Variants in YBX3 observed in about 807,000 individuals in gnomAD.
YBX3 encodes the protein Y-box binding protein 3.
YBX3 carries 29 observed loss-of-function variants against 42.4 expected under a neutral mutation model. The observed-to-expected ratio is 0.68, with a 90% confidence interval of 0.51 to 0.93. The LOEUF is 0.93. YBX3 is among the 40% of genes least tolerant of loss of function. The pLI is 0.00. For synonymous variants in YBX3, 195 were observed against 189.8 expected, an observed-to-expected ratio of 1.03 and a Z score of -0.22; for missense variants, 517 against 527.5, an observed-to-expected ratio of 0.98 and a Z score of 0.19.
At chr12:10,714,801 C>T (rs7302837) in intron 4 of YBX3, among the ~76,000 whole-genome samples, 38,047 of 151,654 alleles carry the variant, frequency 0.25, 5,994 homozygotes, top group Middle Eastern at 0.36. Flanking sequence ...GCTCTGTCCC[C>T]CAGGCTGGAG....
At chr12:10,720,822 C>T (rs982153376) in intron 1 of YBX3, 5 of 152,150 alleles carry the variant, frequency 3.3e-5, no homozygotes, top group African/African-American at 1.2e-4. Flanking sequence ...TTTTTACTCT[C>T]CAATGTAGTT....
At chr12:10,713,902 A>C (rs981509687) in intron 4 of YBX3, among the ~76,000 whole-genome samples, 8 of 152,254 alleles carry the variant, frequency 5.3e-5, no homozygotes, top group African/African-American at 1.9e-4. Flanking sequence ...TCCTTGAAAC[A>C]GATTTAGAAT....
At chr12:10,700,770 A>G (rs1014585176) in intron 9 of YBX3, among the ~76,000 whole-genome samples, 3 of 152,218 alleles carry the variant, frequency 2.0e-5, no homozygotes, top group Non-Finnish European at 2.9e-5. Flanking sequence ...GGTACAGTAG[A>G]GCCTGCAATG....
Position 10,704,104 on chromosome 12 carries a change from T to C in YBX3, c.825A>G (p.Ala275=). Reference sequence around the variant, plus strand: ...TTCGATGAACCGGTCCCTGAAGTTGTGCTCCCTCTGGGACTCCATCCTTCA... The same window carrying C: ...TTCGATGAACCGGTCCCTGAAGTTGCGCTCCCTCTGGGACTCCATCCTTCA... ...GEMKDGVPEG[A]QLQGPVHRNP... The change falls in exon 7 of 10, where the codon GCA becomes GCG. Residue 275 remains alanine, a synonymous_variant. Coordinates refer to ENST00000228251, the MANE Select transcript of YBX3 (RefSeq NM_003651.5). 2 of 1,614,214 alleles carry C rather than the reference T, an allele frequency of 1.2e-6. No homozygotes were observed. The highest frequency in any genetic ancestry group is 1.7e-6 in the Non-Finnish European group (2 of 1,180,036).
intron 1 of YBX3, chr12:10,722,257 TG>T (rs1313933960): frequency 6.6e-6 from 1 of 152,272 alleles, no homozygotes; most frequent in Non-Finnish European, 1.5e-5. Flanking sequence ...TGCTGGCATG[TG>T]GCCAACAGGA....
chr12:10,702,604 CG>C (rs1555158876), intron 7 of YBX3: 1 of 151,414 alleles, frequency 6.6e-6, no homozygotes, highest in Non-Finnish European at 1.5e-5. Flanking sequence ...AGAGGTTTCA[CG>C]AAAAAAAAAT....
chr12:10,721,383 C>T (rs1948322999), intron 1 of YBX3, among the ~76,000 whole-genome samples: 1 of 152,268 alleles, frequency 6.6e-6, no homozygotes, highest in Admixed American at 6.5e-5. Flanking sequence ...AGTGAAAAAC[C>T]GCAAAAGCTT....
rs765605343 is a variant in YBX3 at position 10,709,938 on chromosome 12, T to C, written c.750A>G (p.Ser250=). 1.2e-6 allele frequency: 2 copies of C among 1,614,170 alleles called. No homozygotes were observed. Among genetic ancestry groups the C allele is most frequent in the Non-Finnish European group, 1.7e-6 (2 of 1,180,036 alleles). The change falls in exon 6 of 10, where the codon TCA becomes TCG. Residue 250 remains serine (S), a synonymous_variant. Coordinates refer to ENST00000228251, the MANE Select transcript of YBX3 (RefSeq NM_003651.5). ...YHVGQTFDRR[S]RVLPHPNRIQ... is the part of the protein sequence containing the mutation. Reference sequence around the variant, plus strand: ...TTCTGTTGGGATGGGGTAAGACCCGTGAGCGACGGTCAAAGGTCTGTCCCA... The same window carrying C: ...TTCTGTTGGGATGGGGTAAGACCCGCGAGCGACGGTCAAAGGTCTGTCCCA...
chr12:10,700,080 T>C (rs1016032477), intron 9 of YBX3, among the ~76,000 whole-genome samples: 1 of 152,146 alleles, frequency 6.6e-6, no homozygotes, highest in Non-Finnish European at 1.5e-5. Context: ...TACCTAGAAA[T>C]AATGTTACGC....
At chr12:10,717,540 C>A (rs1948276289) in intron 3 of YBX3, among the ~76,000 whole-genome samples, 1 of 152,214 alleles carries the variant, frequency 6.6e-6, no homozygotes, top group South Asian at 2.1e-4. Context: ...CTATTTCCTG[C>A]AAATCTAAGG....
At position 10,709,221 on chromosome 12, in the gene YBX3, A is replaced by G. The variant is rs1031100879; in HGVS notation, c.780+687T>C. Among the ~76,000 whole-genome samples the G allele has an allele frequency of 2.1e-4, 32 of 152,218 alleles. 1 individual carries two copies. Among genetic ancestry groups the G allele is most frequent in the Middle Eastern group, 6.3e-3 (2 of 316 alleles). ...GAGGAGAAAAAAGTTGTGGCTACTG[A>G]TAACAAAAATGATGATCTATCCCTA... On this transcript the variant is annotated intron_variant, in intron 6 of 9. Transcript: ENST00000228251.
At position 10,702,468 on chromosome 12, in the gene YBX3, C is replaced by T. The variant is rs115997571; in HGVS notation, c.879-334G>A. On this transcript the variant is annotated intron_variant, in intron 7 of 9. Coordinates refer to ENST00000228251, the MANE Select transcript of YBX3 (RefSeq NM_003651.5). The stretch of plus-strand genomic sequence containing the variant: ...TCCATGAGGCAGAGGTTGCAGCAAC[C>T]CGAGATTGGCACACTCCAGCCTGGG... 6.5e-3 allele frequency: 1,047 copies of T among 161,658 alleles called. 17 individuals are homozygous for T. The highest frequency in any genetic ancestry group is 0.024 in the African/African-American group (992 of 41,738). 10.0% of individuals were successfully genotyped at this position (161,658 alleles called of 1,614,324 possible).
chr12:10,708,220 C>T (rs1183641762), intron 6 of YBX3, among the ~76,000 whole-genome samples: 5 of 152,168 alleles, frequency 3.3e-5, no homozygotes, highest in African/African-American at 7.2e-5. Flanking sequence ...ATCTATAGAA[C>T]TATTTTCTTT....
chr12:10,704,178 TGTCACAGCACAGGG>T (rs1438354003), intron 6 of YBX3, 30 bp from the exon 7 acceptor site: 8 of 1,590,542 alleles, frequency 5.0e-6, no homozygotes, highest in Non-Finnish European at 6.9e-6. Context: ...TGACAGTGAG[TGTCACAGCACAGGG>T]GATAAGATAC....
intron 6 of YBX3, among the ~76,000 whole-genome samples, chr12:10,709,180 A>G (rs1252242355): frequency 3.9e-5 from 6 of 152,196 alleles, no homozygotes; most frequent in Admixed American, 3.9e-4. Context: ...GAAAAAAAAG[A>G]AACCCCAACG....
At chr12:10,719,944 G>A (rs920109042) in intron 1 of YBX3, among the ~76,000 whole-genome samples, 5 of 152,168 alleles carry the variant, frequency 3.3e-5, no homozygotes, top group Non-Finnish European at 5.9e-5. Flanking sequence ...AAAACTTCAT[G>A]TAACTTGTAT....
At chr12:10,715,669 A>C in intron 4 of YBX3, 25 bp downstream of exon 4, 1 of 1,598,094 alleles carries the variant, frequency 6.3e-7, no homozygotes, top group Non-Finnish European at 8.6e-7. Context: ...CAGCACTTTG[A>C]TACCCAACCA....
Position 10,715,698 on chromosome 12 carries a change from T to A in YBX3, c.446A>T (p.Glu149Val), listed in dbSNP as rs962877557. The A allele has an allele frequency of 6.2e-7, 1 of 1,613,820 alleles. No individual in the cohort carries two copies. Among genetic ancestry groups the A allele is most frequent in the African/African-American group, 1.3e-5 (1 of 74,896 alleles). Residue 149 changes from glutamate (E) to valine (V), a missense_variant, in exon 4 of 10, where the codon GAG becomes GTG. Transcript: ENST00000228251. ...ETVEFDVVEG[E>V]KGAEAANVTG... ...CCAACCACAATTTCCTCTCACCTTC[T>A]CTCCTTCAACCACATCAAACTCTAC...
In YBX3 at chr12:10,704,058, A is replaced by T. The variant is rs1948110570; in HGVS notation, c.871T>A (p.Tyr291Asn). ...GTGGAAAATGCGACATACCTACGGT[A>T]CCTTGGGCGGTAAGTTGGATTTCGA... ...VHRNPTYRPR[Y>N]RSRGPPRPRP... is the part of the protein sequence containing the mutation. Residue 291 changes from tyrosine to asparagine, a missense_variant, in exon 7 of 10, where the codon TAC becomes AAC. By Grantham distance (143) the Tyr-to-Asn change is moderately radical. Around this residue, in one of 3 missense-constraint regions of YBX3, gnomAD observed 420 missense variants for 408.5 expected, o/e 1.03. Coordinates refer to ENST00000228251, the MANE Select transcript of YBX3 (RefSeq NM_003651.5). The T allele has an allele frequency of 1.9e-5, 31 of 1,614,188 alleles. No individual in the cohort carries two copies. The highest frequency in any genetic ancestry group is 2.6e-5 in the Non-Finnish European group (31 of 1,180,034).
Sources: gnomAD v4.1 joint callset for allele counts (sites outside exome capture counted in the v4.1 genomes callset) on GRCh38, gnomAD v4.1.1 for gene constraint, gnomAD v4.1.1 regional missense constraint, MANE v1.5 for transcripts, NCBI Gene and HGNC (gene_info 2026-07-23, HGNC 2026-07-21) for gene names.